ACYP2: variants seen among roughly 807,000 people sequenced by gnomAD.
The protein encoded by ACYP2 is acylphosphatase-2.
In ACYP2, 12 loss-of-function variants were observed where a neutral mutation model predicts 11.2. The ratio of observed to expected loss-of-function variants is 1.08; its 90% confidence interval spans 0.69 to 1.74. ACYP2 has a LOEUF of 1.74. Ranked by LOEUF, ACYP2 falls within the 40% of genes most tolerant of loss-of-function variation. The probability of loss-of-function intolerance (pLI) is 0.00; values close to 1 mark genes in which losing one functional copy is unlikely to be tolerated. For missense variants in ACYP2, 134 were observed against 101.9 expected (o/e 1.31, Z -1.35); for synonymous variants, 43 against 32.2 (o/e 1.33, Z -1.13).
At chr2:53,991,244 A>C (rs1206848079) in intron 2 of ACYP2, among the ~76,000 whole-genome samples, 1 of 152,198 alleles carries the variant, frequency 6.6e-6, no homozygotes, top group Non-Finnish European at 1.5e-5. Flanking sequence ...TAGTTTGCTT[A>C]TCCATTCATC....
At chr2:54,245,568 AGAT>A (rs1325212532) in intron 6 of ACYP2, among the ~76,000 whole-genome samples, 1 of 152,180 alleles carries the variant, frequency 6.6e-6, no homozygotes, top group East Asian at 1.9e-4. Context: ...AACTGGGGTA[AGAT>A]GATATCTCAC....
chr2:54,097,841 C>G (rs180868505), intron 4 of ACYP2, among the ~76,000 whole-genome samples: 1 of 148,892 alleles, frequency 6.7e-6, no homozygotes, highest in Non-Finnish European at 1.5e-5. Flanking sequence ...TTAACAATTT[C>G]TTTTATTTTC....
chr2:54,297,488 A>AC (rs1352927429), intron 6 of ACYP2, among the ~76,000 whole-genome samples: 1 of 152,116 alleles, frequency 6.6e-6, no homozygotes, highest in Non-Finnish European at 1.5e-5. Context: ...ACAAAGTGAG[A>AC]CCCCCATCTC....
chr2:54,076,429 A>T lies in ACYP2; in HGVS notation c.277+19069A>T, dbSNP rs1677346426. 2.0e-5 allele frequency among the ~76,000 whole-genome samples: 3 copies of T among 152,208 alleles called. No homozygotes were observed. In the South Asian group the frequency reaches 6.2e-4, roughly 32 times the overall value. The stretch of plus-strand genomic sequence containing the variant: ...TTAAAGAGATTGAGAAGCTCATGGA[A>T]GATCGCACTGCTAGTTAATGGCAGA... On this transcript the variant is annotated intron_variant, in intron 4 of 6. Coordinates refer to ENST00000607452, the MANE Select transcript of ACYP2 (RefSeq NM_001320586.2).
chr2:54,060,323 T>G (rs899250435), intron 4 of ACYP2, among the ~76,000 whole-genome samples: 2 of 152,144 alleles, frequency 1.3e-5, no homozygotes. Flanking sequence ...CTTCTAATAC[T>G]TTTATTGACT....
chr2:54,217,407 C>T (rs965966047), intron 6 of ACYP2, among the ~76,000 whole-genome samples: 2 of 152,124 alleles, frequency 1.3e-5, no homozygotes, highest in African/African-American at 4.8e-5. Context: ...TGCTCTGTCA[C>T]CCAGGCTGGA....
chr2:54,255,526 T>C (rs1049831482), intron 6 of ACYP2: 3 of 1,613,594 alleles, frequency 1.9e-6, no homozygotes, highest in African/African-American at 1.3e-5. Flanking sequence ...CAGTTCCAGC[T>C]GGATGGACTC....
At chr2:54,050,450 G>A (rs1217127302) in intron 2 of ACYP2, among the ~76,000 whole-genome samples, 1 of 151,472 alleles carries the variant, frequency 6.6e-6, no homozygotes, top group Non-Finnish European at 1.5e-5. Flanking sequence ...TTAGGAGGCT[G>A]TGGTGGGATG....
intron 4 of ACYP2, among the ~76,000 whole-genome samples, chr2:54,131,226 T>C (rs1680879725): frequency 6.6e-6 from 1 of 152,246 alleles, no homozygotes; most frequent in Admixed American, 6.5e-5. Context: ...GAATAAAATA[T>C]TACATCAATA....
chr2:54,158,050 G>T (rs1185837785), intron 6 of ACYP2, among the ~76,000 whole-genome samples: 1 of 151,446 alleles, frequency 6.6e-6, no homozygotes, highest in Non-Finnish European at 1.5e-5. Flanking sequence ...TTTTGAGATG[G>T]AGGCTCACTC....
intron 6 of ACYP2, among the ~76,000 whole-genome samples, chr2:54,195,215 C>G (rs698749): frequency 6.6e-6 from 1 of 152,186 alleles, no homozygotes; most frequent in African/African-American, 2.4e-5. Context: ...TTGTTAGATT[C>G]TATGGTATAG....
intron 2 of ACYP2, among the ~76,000 whole-genome samples, chr2:53,978,580 C>T (rs1379656716): frequency 6.6e-6 from 1 of 152,122 alleles, no homozygotes; most frequent in Non-Finnish European, 1.5e-5. Flanking sequence ...ACTACACTTC[C>T]AGTTTGTATA....
rs1406850755 is a variant in ACYP2, at chr2:54,192,816, C to A, written c.404+54068C>A. 3.3e-5 allele frequency among the ~76,000 whole-genome samples: 5 copies of A among 152,224 alleles called. No individual in the cohort carries two copies. The East Asian group carries it at 9.7e-4, about 29-fold the overall frequency. ...TGGTGGAAGGCACCCCTTCACAGGG[C>A]AGCAGGAGAGAGAATGAGTACCAGC... On this transcript the variant is annotated intron_variant, in intron 6 of 6. Coordinates refer to ENST00000607452, the MANE Select transcript of ACYP2 (RefSeq NM_001320586.2).
Position 54,255,787 on chromosome 2 carries a change from C to G in ACYP2, c.405-48901C>G, listed in dbSNP as rs1005274715. The G allele has an allele frequency of 4.3e-6, 7 of 1,613,744 alleles. No individual in the cohort carries two copies. In the Admixed American group the frequency reaches 1.0e-4, roughly 23 times the overall value. On this transcript the variant is annotated intron_variant, in intron 6 of 6. Transcript: ENST00000607452. ...TTCTAGAGCCTTCTCCCCACCTAGG[C>G]CGTGCGTCTCTTCACCCGGAAAGCC... is the stretch of plus-strand genomic sequence containing the variant.
chr2:54,290,024 G>A (rs934541309), intron 6 of ACYP2, among the ~76,000 whole-genome samples: 1 of 151,942 alleles, frequency 6.6e-6, no homozygotes, highest in Non-Finnish European at 1.5e-5. Flanking sequence ...TTCTTGTGTC[G>A]TTAGCCGCCT....
intron 6 of ACYP2, among the ~76,000 whole-genome samples, chr2:54,213,126 G>T (rs1289011996): frequency 1.3e-5 from 2 of 152,022 alleles, no homozygotes; most frequent in African/African-American, 2.4e-5. Flanking sequence ...AGTGTCTGTT[G>T]TTCCCTTCTT....
intron 4 of ACYP2, among the ~76,000 whole-genome samples, chr2:54,105,131 T>C (rs890095153): frequency 2.6e-5 from 4 of 152,206 alleles, no homozygotes; most frequent in African/African-American, 9.7e-5. Flanking sequence ...GCATGCAACA[T>C]AGAGCCTGAG....
intron 2 of ACYP2, among the ~76,000 whole-genome samples, chr2:54,048,808 C>A (rs1214590390): frequency 6.6e-6 from 1 of 152,214 alleles, no homozygotes; most frequent in African/African-American, 2.4e-5. Flanking sequence ...GAGGAAGTGA[C>A]AGACTTGGCT....
intron 2 of ACYP2, among the ~76,000 whole-genome samples, chr2:53,996,602 G>A (rs913773104): frequency 2.6e-5 from 4 of 152,178 alleles, no homozygotes; most frequent in African/African-American, 9.7e-5. Flanking sequence ...GGCTGCCTGG[G>A]AAGATCATAA....
Sources: gnomAD v4.1 joint callset for allele counts (sites outside exome capture counted in the v4.1 genomes callset) on GRCh38, gnomAD v4.1.1 for gene constraint, MANE v1.5 for transcripts, NCBI Gene and HGNC (gene_info 2026-07-23, HGNC 2026-07-21) for gene names.